The following MTUS2 variants were observed in gnomAD, a reference collection of about 807,000 sequenced individuals.
The protein encoded by MTUS2 is microtubule-associated tumor suppressor candidate 2.
MTUS2 carries 40 observed loss-of-function variants against 114.1 expected under a neutral mutation model. The observed-to-expected ratio is 0.35, with a 90% confidence interval of 0.27 to 0.46. MTUS2 has a LOEUF of 0.46. Among genes scored for constraint, MTUS2 ranks in the 20% least tolerant of loss-of-function variants. MTUS2 has a pLI of 1.00. For missense variants in MTUS2, 1,679 were observed against 1,705.4 expected, an observed-to-expected ratio of 0.98 and a Z score of 0.27; for synonymous variants, 688 against 672.0, an observed-to-expected ratio of 1.02 and a Z score of -0.37.
intron 5 of MTUS2, among the ~76,000 whole-genome samples, chr13:29,139,840 T>G (rs34503294): frequency 0.16 from 25,065 of 152,208 alleles, 2,108 homozygotes; most frequent in East Asian, 0.25. Flanking sequence ...TCTGGGTCTC[T>G]GAGACAGCAG....
intron 5 of MTUS2, among the ~76,000 whole-genome samples, chr13:29,227,482 T>C (rs1017843793): frequency 6.6e-6 from 1 of 152,196 alleles, no homozygotes; most frequent in Non-Finnish European, 1.5e-5. Context: ...GCCCTTTGGC[T>C]TCTCTTCCTG....
chr13:29,198,529 T>C (rs1161377246), intron 5 of MTUS2, among the ~76,000 whole-genome samples: 1 of 152,228 alleles, frequency 6.6e-6, no homozygotes, highest in Non-Finnish European at 1.5e-5. Flanking sequence ...TTCTTTTTGC[T>C]TAGGATTGTC....
At chr13:29,045,230 C>T (rs1887560494) in intron 4 of MTUS2, among the ~76,000 whole-genome samples, 1 of 152,098 alleles carries the variant, frequency 6.6e-6, no homozygotes, top group South Asian at 2.1e-4. Context: ...ATAACAAATA[C>T]CATAGATTGG....
At chr13:29,023,026 C>G (rs576987822) in intron 2 of MTUS2, among the ~76,000 whole-genome samples, 1 of 152,156 alleles carries the variant, frequency 6.6e-6, no homozygotes, top group Admixed American at 6.5e-5. Context: ...AGTGAAAATA[C>G]AGGATACTAC....
chr13:28,836,892 A>C (rs1189562677), intron 1 of MTUS2, among the ~76,000 whole-genome samples: 3 of 152,198 alleles, frequency 2.0e-5, no homozygotes, highest in Admixed American at 2.0e-4. Flanking sequence ...AAGAGCTTCA[A>C]GAAGTAAGTG....
At chr13:28,974,420 T>G (rs1883995263) in intron 2 of MTUS2, among the ~76,000 whole-genome samples, 1 of 152,214 alleles carries the variant, frequency 6.6e-6, no homozygotes, top group African/African-American at 2.4e-5. Context: ...ATTTCTATGT[T>G]AAGGGAACAG....
At chr13:29,002,117 A>G (rs1885411842) in intron 2 of MTUS2, among the ~76,000 whole-genome samples, 1 of 152,196 alleles carries the variant, frequency 6.6e-6, no homozygotes, top group Admixed American at 6.5e-5. Flanking sequence ...GTCTTGAGCC[A>G]GTAAGTTGTA....
chr13:29,306,211 T>C (rs1052927403), intron 6 of MTUS2, among the ~76,000 whole-genome samples: 1 of 152,166 alleles, frequency 6.6e-6, no homozygotes, highest in African/African-American at 2.4e-5. Flanking sequence ...AGAAGCATTG[T>C]TCTTGAAAAC....
At chr13:28,931,453 T>TTTGGC (rs1291339088) in intron 2 of MTUS2, among the ~76,000 whole-genome samples, 1 of 152,066 alleles carries the variant, frequency 6.6e-6, no homozygotes, top group African/African-American at 2.4e-5. Context: ...TTTATAAATG[T>TTTGGC]TTGGCAAGTT....
chr13:28,851,552 A>G (rs564920072), intron 2 of MTUS2, among the ~76,000 whole-genome samples: 1 of 152,264 alleles, frequency 6.6e-6, no homozygotes. Context: ...CTTGCCCTCC[A>G]GGCACTTAGA....
In MTUS2 at chr13:29,031,581, C is replaced by G. The variant is rs368753919; in HGVS notation, c.2206-2304C>G. ...TGATCTACTAGCAGAATCCCCTTTT[C>G]TTTAGGAGGAGTCAGTCTGTTTTTA... is the stretch of plus-strand genomic sequence containing the variant. On this transcript the variant is annotated intron_variant, in intron 3 of 15. Coordinates refer to ENST00000612955, the MANE Select transcript of MTUS2 (RefSeq NM_001033602.4). Among the ~76,000 whole-genome samples, 14 of 152,010 alleles carry G rather than the reference C, an allele frequency of 9.2e-5. No homozygotes were observed. In the South Asian group the frequency reaches 2.5e-3, roughly 27 times the overall value.
intron 5 of MTUS2, among the ~76,000 whole-genome samples, chr13:29,211,797 G>C (rs1895452216): frequency 6.6e-6 from 1 of 151,614 alleles, no homozygotes; most frequent in African/African-American, 2.4e-5. Context: ...GTTTGTCAGT[G>C]TGTCATGGAG....
chr13:29,488,458 T>G (rs1881803637), intron 11 of MTUS2, among the ~76,000 whole-genome samples: 1 of 112,292 alleles, frequency 8.9e-6, no homozygotes, highest in Non-Finnish European at 1.8e-5. Context: ...TTTTTTTTTT[T>G]GAGACAGAGT....
At chr13:29,066,767 A>G (rs537497456) in intron 4 of MTUS2, among the ~76,000 whole-genome samples, 2 of 152,384 alleles carry the variant, frequency 1.3e-5, no homozygotes, top group South Asian at 2.1e-4. Flanking sequence ...TAATGGGTAT[A>G]TAAAGAGATA....
intron 9 of MTUS2, among the ~76,000 whole-genome samples, chr13:29,444,754 G>A (rs1339592170): frequency 6.6e-6 from 1 of 152,214 alleles, no homozygotes; most frequent in Non-Finnish European, 1.5e-5. Context: ...GCAGGCCAAG[G>A]GAGAGTGGCA....
In MTUS2 at chr13:29,483,283, A is replaced by T. The variant is rs571394668; in HGVS notation, c.3399+2919A>T. 2.6e-5 allele frequency among the ~76,000 whole-genome samples: 4 copies of T among 152,260 alleles called. No individual in the cohort carries two copies. The South Asian group carries it at 8.3e-4, about 32-fold the overall frequency. On this transcript the variant is annotated intron_variant, in intron 10 of 15. Coordinates refer to ENST00000612955, the MANE Select transcript of MTUS2 (RefSeq NM_001033602.4). ...AGGATTTTCTGAGGCCGCAAATATC[A>T]CTTTACTCAAATTGGGACTCGCCGG...
In MTUS2 at chr13:29,498,273, T is replaced by C. The variant is rs1478071992; in HGVS notation, c.3679-145T>C. 19 of 1,173,284 alleles carry C rather than the reference T, an allele frequency of 1.6e-5. No homozygotes were observed. In the East Asian group the frequency reaches 4.1e-4, roughly 26 times the overall value. 72.7% of individuals were successfully genotyped at this position (1,173,284 alleles called of 1,614,324 possible). On this transcript the variant is annotated intron_variant, in intron 13 of 15. Transcript: ENST00000612955. ...GCAGGGCCCCTTTATCAGGGAAGGC[T>C]GTGAGCATCCTCTCTCTTTGGTGTT...
At chr13:29,001,942 T>C (rs1188353965) in intron 2 of MTUS2, among the ~76,000 whole-genome samples, 2 of 152,144 alleles carry the variant, frequency 1.3e-5, no homozygotes. Context: ...GTATCTCACA[T>C]TTTGTGAGAT....
At chr13:29,078,038 A>G (rs1889274785) in intron 4 of MTUS2, among the ~76,000 whole-genome samples, 1 of 152,078 alleles carries the variant, frequency 6.6e-6, no homozygotes, top group African/African-American at 2.4e-5. Context: ...AAAGAACAAC[A>G]CATCTTTTAA....
Sources: gnomAD v4.1 joint callset for allele counts (sites outside exome capture counted in the v4.1 genomes callset) on GRCh38, gnomAD v4.1.1 for gene constraint, MANE v1.5 for transcripts, NCBI Gene and HGNC (gene_info 2026-07-23, HGNC 2026-07-21) for gene names.